The following PPM1E variants were observed in gnomAD, a reference collection of about 807,000 sequenced individuals.
PPM1E encodes protein phosphatase 1E.
A neutral mutation model predicts 65.9 loss-of-function variants in PPM1E; 20 were observed. The observed-to-expected ratio is 0.30, with a 90% CI of 0.21 to 0.44. PPM1E has a LOEUF of 0.44. Ranked by LOEUF, PPM1E falls within the 20% of genes least tolerant of loss-of-function variation. PPM1E has a pLI of 1.00. For missense variants in PPM1E, 713 were observed against 953.1 expected (o/e 0.75, Z 3.32); for synonymous variants, 352 against 374.9 (o/e 0.94, Z 0.70).
rs1431858002 is a variant in PPM1E at position 58,982,719 on chromosome 17, C to T, written c.*1688C>T. The T allele has an allele frequency of 1.2e-5, 6 of 514,944 alleles. No individual in the cohort carries two copies. Among genetic ancestry groups the T allele is most frequent in the Admixed American group, 3.4e-5 (1 of 29,100 alleles). 31.9% of individuals were successfully genotyped at this position (514,944 alleles called of 1,614,324 possible). On this transcript the variant is annotated 3_prime_UTR_variant, in exon 7 of 7. Transcript: ENST00000308249. ...AGTAGAGACTTTCAGTATTTGTTTT[C>T]TCTTGATTTTGAAGTCATTTCTTCT...
At chr17:58,880,351 C>T (rs1012132454) in intron 1 of PPM1E, among the ~76,000 whole-genome samples, 2 of 152,136 alleles carry the variant, frequency 1.3e-5, no homozygotes, top group East Asian at 3.8e-4. Flanking sequence ...ATATTTTTAA[C>T]TCCTTCAGCT....
intron 2 of PPM1E, among the ~76,000 whole-genome samples, chr17:58,959,527 A>C (rs1449739453): frequency 1.3e-5 from 2 of 148,840 alleles, no homozygotes; most frequent in East Asian, 4.1e-4. Flanking sequence ...TGAACCTGGG[A>C]GGTGGAGCTT....
chr17:58,910,588 G>A (rs2051615938), intron 1 of PPM1E, among the ~76,000 whole-genome samples: 1 of 152,156 alleles, frequency 6.6e-6, no homozygotes, highest in East Asian at 1.9e-4. Context: ...AGGGTAAAAG[G>A]AACTGCTATA....
At chr17:58,972,082 T>C in intron 4 of PPM1E, 50 bp from the exon 5 acceptor site, 1 of 1,547,102 alleles carries the variant, frequency 6.5e-7, no homozygotes, top group Non-Finnish European at 8.8e-7. Flanking sequence ...AATAAGAATG[T>C]AGTATCTATT....
chr17:58,755,857 T>C lies in PPM1E; in HGVS notation c.-141T>C. 2 of 1,431,522 alleles carry C rather than the reference T, an allele frequency of 1.4e-6. No homozygotes were observed. Among genetic ancestry groups the C allele is most frequent in the Non-Finnish European group, 9.1e-7 (1 of 1,093,182 alleles). 88.7% of individuals were successfully genotyped at this position (1,431,522 alleles called of 1,614,324 possible). A position where few individuals can be genotyped will look rare whatever the true frequency, so the allele number is the denominator to read the frequency against. ...GGCGCGCACGCCTGCGGGAGCCCTC[T>C]CCAGGCAACCTAGTGCTGATCGCTC... On this transcript the variant is annotated 5_prime_UTR_variant, in exon 1 of 7. Coordinates refer to ENST00000308249, the MANE Select transcript of PPM1E (RefSeq NM_014906.5).
rs577703415 is a variant in PPM1E at position 58,810,373 on chromosome 17, A to G, written c.464+53912A>G. 1.1e-4 allele frequency among the ~76,000 whole-genome samples: 17 copies of G among 151,782 alleles called. No individual in the cohort carries two copies. The East Asian group carries it at 3.1e-3, about 28-fold the overall frequency. On this transcript the variant is annotated intron_variant, in intron 1 of 6. Coordinates refer to ENST00000308249, the MANE Select transcript of PPM1E (RefSeq NM_014906.5). The stretch of plus-strand genomic sequence containing the variant: ...AGGCACGCGCCACCATGCCCAGCTA[A>G]TTTTTGTATTTGTAGTAGAGACAGG...
chr17:58,777,342 G>T (rs2050003941), intron 1 of PPM1E, among the ~76,000 whole-genome samples: 1 of 152,088 alleles, frequency 6.6e-6, no homozygotes, highest in East Asian at 1.9e-4. Context: ...TATGAACATT[G>T]AATTATCCGT....
chr17:58,893,701 G>T (rs2051376526), intron 1 of PPM1E, among the ~76,000 whole-genome samples: 1 of 152,096 alleles, frequency 6.6e-6, no homozygotes, highest in Non-Finnish European at 1.5e-5. Flanking sequence ...AGGCTGGTGG[G>T]TGTGTGGGCA....
intron 1 of PPM1E, among the ~76,000 whole-genome samples, chr17:58,887,999 A>G (rs1704483288): frequency 6.6e-6 from 1 of 152,214 alleles, no homozygotes; most frequent in Non-Finnish European, 1.5e-5. Context: ...CGTGAAGGGA[A>G]GAATCAAGGA....
chr17:58,778,132 C>T (rs2050011432), intron 1 of PPM1E, among the ~76,000 whole-genome samples: 1 of 151,978 alleles, frequency 6.6e-6, no homozygotes, highest in African/African-American at 2.4e-5. Flanking sequence ...TGGAGTCTTG[C>T]TCTGTTGCCC....
chr17:58,809,529 A>T (rs1392859256), intron 1 of PPM1E, among the ~76,000 whole-genome samples: 1 of 152,098 alleles, frequency 6.6e-6, no homozygotes, highest in Admixed American at 6.6e-5. Flanking sequence ...GACTATAGAC[A>T]TGCTCCACAA....
intron 1 of PPM1E, among the ~76,000 whole-genome samples, chr17:58,834,254 T>G (rs138564951): frequency 2.0e-5 from 3 of 152,258 alleles, no homozygotes; most frequent in Non-Finnish European, 4.4e-5. Flanking sequence ...TGCTTACTTA[T>G]TTACAGTTGA....
At chr17:58,871,211 T>C (rs1174344893) in intron 1 of PPM1E, among the ~76,000 whole-genome samples, 2 of 152,106 alleles carry the variant, frequency 1.3e-5, no homozygotes, top group African/African-American at 2.4e-5. Flanking sequence ...TAATTTCTTA[T>C]ATATTTTTTG....
chr17:58,886,476 C>T (rs1431222435), intron 1 of PPM1E, among the ~76,000 whole-genome samples: 1 of 152,128 alleles, frequency 6.6e-6, no homozygotes, highest in Non-Finnish European at 1.5e-5. Context: ...AGTTTGAATT[C>T]CCATAGCCGG....
At chr17:58,900,594 A>G (rs955253220) in intron 1 of PPM1E, among the ~76,000 whole-genome samples, 2 of 152,354 alleles carry the variant, frequency 1.3e-5, no homozygotes, top group East Asian at 3.9e-4. Flanking sequence ...AATTTTGTAC[A>G]GCTCACTTTA....
At chr17:58,970,061 T>A (rs2030495444) in intron 4 of PPM1E, among the ~76,000 whole-genome samples, 1 of 152,226 alleles carries the variant, frequency 6.6e-6, no homozygotes, top group African/African-American at 2.4e-5. Flanking sequence ...AAGCAGACTC[T>A]TGCTGACAAG....
chr17:58,807,480 A>G (rs1223497912), intron 1 of PPM1E, among the ~76,000 whole-genome samples: 2 of 152,204 alleles, frequency 1.3e-5, no homozygotes, highest in Non-Finnish European at 2.9e-5. Context: ...TATAAAGGTG[A>G]GAAAATGTTC....
At chr17:58,786,083 C>T (rs563489741) in intron 1 of PPM1E, among the ~76,000 whole-genome samples, 169 of 151,158 alleles carry the variant, frequency 1.1e-3, no homozygotes, top group Non-Finnish European at 2.0e-3. Context: ...GGCGCAATCC[C>T]GGCTCACTTC....
chr17:58,949,745 T>C (rs1191610984), intron 1 of PPM1E, among the ~76,000 whole-genome samples: 1 of 152,216 alleles, frequency 6.6e-6, no homozygotes, highest in Non-Finnish European at 1.5e-5. Flanking sequence ...GTTATCATCT[T>C]TTTATTTCCA....
Sources: allele counts gnomAD v4.1 joint callset (sites outside exome capture counted in the v4.1 genomes callset), GRCh38; gene constraint gnomAD v4.1.1; transcripts MANE v1.5; gene names NCBI Gene and HGNC (gene_info 2026-07-23, HGNC 2026-07-21).